The following PHACTR3 variants were observed in gnomAD, a reference collection of about 807,000 sequenced individuals.
The protein encoded by PHACTR3 is protein phosphatase 1, regulatory subunit 123.
Under a neutral mutation model 66.8 loss-of-function variants are expected in PHACTR3, and 16 were observed. That is an observed-to-expected ratio of 0.24 (90% CI 0.16 to 0.36). PHACTR3 has a LOEUF of 0.36. Ranked by LOEUF, PHACTR3 falls within the 10% of genes least tolerant of loss-of-function variation. The pLI is 1.00. For synonymous variants in PHACTR3, 323 were observed against 292.1 expected, an observed-to-expected ratio of 1.11 and a Z score of -1.08; for missense variants, 647 against 719.9, an observed-to-expected ratio of 0.90 and a Z score of 1.16.
chr20:59,774,136 C>T lies in PHACTR3; in HGVS notation c.927-107C>T, dbSNP rs947822305. ...AGGATAAAAACCAAGAGGTCACATG[C>T]ATTTTGGGGCTGCCTCTGTGATATT... is the stretch of plus-strand genomic sequence containing the variant. On this transcript the variant is annotated intron_variant, in intron 6 of 12. Coordinates refer to ENST00000371015, the MANE Select transcript of PHACTR3 (RefSeq NM_080672.5). 6.4e-6 allele frequency: 9 copies of T among 1,411,130 alleles called. No individual in the cohort carries two copies. The African/African-American group carries it at 1.2e-4, about 18-fold the overall frequency. 87.4% of individuals were successfully genotyped at this position (1,411,130 alleles called of 1,614,324 possible).
chr20:59,827,486 C>T (rs1379829700), intron 8 of PHACTR3, among the ~76,000 whole-genome samples: 9 of 152,138 alleles, frequency 5.9e-5, no homozygotes, highest in African/African-American at 1.7e-4. Context: ...GGAGACAGTG[C>T]GGTGTGCAGC....
chr20:59,716,206 T>TTGTGTGTGTG (rs201782505), intron 1 of PHACTR3, among the ~76,000 whole-genome samples: 2 of 128,576 alleles, frequency 1.6e-5, no homozygotes, highest in African/African-American at 3.0e-5. Context: ...CCTTCACCCT[T>TTGTGTGTGTG]TGTGTGTGTG....
intron 1 of PHACTR3, among the ~76,000 whole-genome samples, chr20:59,709,904 C>T (rs375780830): frequency 5.9e-5 from 9 of 152,146 alleles, no homozygotes; most frequent in African/African-American, 1.7e-4. Context: ...CTCTGAAGTG[C>T]AGCTTATAGG....
Position 59,841,311 on chromosome 20 carries a change from T to G in PHACTR3, c.1447-84T>G, listed in dbSNP as rs776307833. The stretch of plus-strand genomic sequence containing the variant: ...GGTTTTTTTTGTTTTGTTTTGTTTT[T>G]TAAGAGAAGTGCTGTTTGTTCAGAG... On this transcript the variant is annotated intron_variant, in intron 10 of 12. Coordinates refer to ENST00000371015, the MANE Select transcript of PHACTR3 (RefSeq NM_080672.5). The G allele has an allele frequency of 1.1e-4, 157 of 1,387,408 alleles. No homozygotes were observed. In the Middle Eastern group the frequency reaches 1.5e-3, roughly 13 times the overall value. 85.9% of individuals were successfully genotyped at this position (1,387,408 alleles called of 1,614,324 possible).
intron 9 of PHACTR3, among the ~76,000 whole-genome samples, chr20:59,839,229 A>G (rs962245664): frequency 6.6e-6 from 1 of 152,148 alleles, no homozygotes; most frequent in Admixed American, 6.5e-5. Context: ...CCTTAAAAGT[A>G]TGGTTTCTTC....
intron 5 of PHACTR3, among the ~76,000 whole-genome samples, chr20:59,771,783 C>T (rs1310151868): frequency 6.6e-6 from 1 of 152,252 alleles, no homozygotes. Flanking sequence ...AGCGAAATAA[C>T]TAAAGTCCTC....
At chr20:59,773,131 G>C (rs1601321202) in intron 5 of PHACTR3, 148 bp from the exon 6 acceptor site, 4 of 872,012 alleles carry the variant, frequency 4.6e-6, no homozygotes, top group South Asian at 1.6e-5. Flanking sequence ...TGGGAGCAGG[G>C]ATCCCGGTCC....
intron 8 of PHACTR3, among the ~76,000 whole-genome samples, chr20:59,823,436 T>A (rs2042105541): frequency 6.6e-6 from 1 of 152,240 alleles, no homozygotes; most frequent in South Asian, 2.1e-4. Context: ...AGGTGACTAC[T>A]CAAAAAGCCA....
Position 59,648,147 on chromosome 20 carries a change from A to C in PHACTR3, c.118+43015A>C, listed in dbSNP as rs543723856. ...ACCGTTTTGTGATTAGTCCAGGGGG[A>C]GTTTGGCTTCAGGCCCATTGACCAC... On this transcript the variant is annotated intron_variant, in intron 1 of 12. Transcript: ENST00000371015. 1.3e-4 allele frequency among the ~76,000 whole-genome samples: 20 copies of C among 152,190 alleles called. No homozygotes were observed. The East Asian group carries it at 3.9e-3, about 29-fold the overall frequency.
intron 1 of PHACTR3, among the ~76,000 whole-genome samples, chr20:59,719,833 A>G (rs751343589): frequency 2.6e-5 from 4 of 152,170 alleles, no homozygotes; most frequent in Non-Finnish European, 5.9e-5. Context: ...ATGACCCTGG[A>G]AAGGCTTGGA....
chr20:59,749,271 A>G (rs141932771), intron 3 of PHACTR3, among the ~76,000 whole-genome samples: 38 of 152,080 alleles, frequency 2.5e-4, no homozygotes, highest in South Asian at 1.0e-3. Context: ...GAAGATGAAA[A>G]CAATGCTAAG....
At chr20:59,842,464 A>G (rs769345805) in intron 11 of PHACTR3, among the ~76,000 whole-genome samples, 96 of 152,244 alleles carry the variant, frequency 6.3e-4, no homozygotes, top group Admixed American at 2.2e-3. Flanking sequence ...CAGTGATGCG[A>G]GGAGAAGTAT....
At chr20:59,633,910 A>G (rs2034757463) in intron 1 of PHACTR3, among the ~76,000 whole-genome samples, 1 of 152,220 alleles carries the variant, frequency 6.6e-6, no homozygotes. Flanking sequence ...TTTGTAACAG[A>G]TTAACTAATA....
chr20:59,677,805 C>T (rs1317389055), intron 1 of PHACTR3, among the ~76,000 whole-genome samples: 1 of 152,168 alleles, frequency 6.6e-6, no homozygotes, highest in Non-Finnish European at 1.5e-5. Flanking sequence ...ATGGTAACCA[C>T]ATACACAATC....
chr20:59,832,295 T>C (rs1332882347), intron 8 of PHACTR3, among the ~76,000 whole-genome samples: 1 of 152,248 alleles, frequency 6.6e-6, no homozygotes, highest in East Asian at 1.9e-4. Context: ...TTTTTCCTTT[T>C]GGAAGCCCCA....
intron 1 of PHACTR3, among the ~76,000 whole-genome samples, chr20:59,717,726 A>T (rs946015221): frequency 1.3e-5 from 2 of 152,238 alleles, no homozygotes; most frequent in Non-Finnish European, 2.9e-5. Context: ...CTACTTGCTT[A>T]ACAAAAATGA....
chr20:59,789,002 C>T (rs1437948533), intron 7 of PHACTR3, among the ~76,000 whole-genome samples: 1 of 152,212 alleles, frequency 6.6e-6, no homozygotes, highest in Non-Finnish European at 1.5e-5. Flanking sequence ...GCACTTCTGC[C>T]TCTGGCCATG....
intron 1 of PHACTR3, among the ~76,000 whole-genome samples, chr20:59,729,430 G>A (rs2146712960): frequency 6.6e-6 from 1 of 152,228 alleles, no homozygotes; most frequent in Non-Finnish European, 1.5e-5. Flanking sequence ...AGGGGGCAGT[G>A]GGCAAAGAAA....
chr20:59,663,812 GGAACAAGGCTGT>G (rs2035897691), intron 1 of PHACTR3, among the ~76,000 whole-genome samples: 1 of 152,202 alleles, frequency 6.6e-6, no homozygotes, highest in South Asian at 2.1e-4. Flanking sequence ...AAAACACTTG[GGAACAAGGCTGT>G]GGAAAGACTT....
Sources: allele counts gnomAD v4.1 joint callset (sites outside exome capture counted in the v4.1 genomes callset), GRCh38; gene constraint gnomAD v4.1.1; transcripts MANE v1.5; gene names NCBI Gene and HGNC (gene_info 2026-07-23, HGNC 2026-07-21).